CCDC88B: variants seen among roughly 807,000 people sequenced by gnomAD.
CCDC88B encodes the protein coiled-coil domain-containing protein 88B.
In CCDC88B, 138 loss-of-function variants were observed where a neutral mutation model predicts 183.7. The ratio of observed to expected loss-of-function variants is 0.75; its 90% CI spans 0.65 to 0.87. The LOEUF (loss-of-function observed/expected upper bound fraction) is 0.87. Ranked by LOEUF, CCDC88B falls within the 40% of genes least tolerant of loss-of-function variation. The probability of loss-of-function intolerance (pLI) is 0.00; values close to 1 mark genes in which losing one functional copy is unlikely to be tolerated. For missense variants in CCDC88B, 1,822 were observed against 1,965.6 expected, an observed-to-expected ratio of 0.93 and a Z score of 1.38; for synonymous variants, 835 against 867.5, an observed-to-expected ratio of 0.96 and a Z score of 0.66.
Position 64,349,684 on chromosome 11 carries a change from C to G in CCDC88B, c.2862+16C>G. 1.3e-6 allele frequency: 2 copies of G among 1,572,844 alleles called. No homozygotes were observed. The highest frequency in any genetic ancestry group is 2.3e-5 in the South Asian group (2 of 85,886). On this transcript the variant is annotated intron_variant, in intron 16 of 26. Coordinates refer to ENST00000356786, the MANE Select transcript of CCDC88B (RefSeq NM_032251.6). ...GCTGTTCCAGGTGATGCCTGCCCGC[C>G]TGGGAGCTGGGGGCCATGCCACCCT... is the stretch of plus-strand genomic sequence containing the variant.
At chr11:64,355,775 T>G in intron 26 of CCDC88B, 147 bp downstream of exon 26, 8 of 661,618 alleles carry the variant, frequency 1.2e-5, no homozygotes, top group Non-Finnish European at 1.7e-5. Context: ...GGGAACGTTC[T>G]GGTGTGAGGA....
In CCDC88B at chr11:64,340,290, G is replaced by T. The variant is rs986997004; in HGVS notation, c.24G>T (p.Arg8Ser). MEGGKGP[R>S]LRDFLSGSLA... ...GCATGGAGGGGGGCAAGGGGCCCAGGCTCAGAGACTTCCTGAGTGGGAGTC... is the reference window on the plus strand; with the variant it reads ...GCATGGAGGGGGGCAAGGGGCCCAGTCTCAGAGACTTCCTGAGTGGGAGTC... The change falls in exon 1 of 27, where the codon AGG (arginine) becomes AGT (serine). Residue 8 changes from arginine (R) to serine (S), a missense_variant. Arg to Ser is a moderately radical substitution (Grantham distance 110, BLOSUM62 -1). Coordinates refer to ENST00000356786, the MANE Select transcript of CCDC88B (RefSeq NM_032251.6). 2.3e-6 allele frequency: 3 copies of T among 1,281,382 alleles called. No individual in the cohort carries two copies. The South Asian group carries it at 8.9e-5, about 38-fold the overall frequency. 79.4% of individuals were successfully genotyped at this position (1,281,382 alleles called of 1,614,324 possible).
In CCDC88B at chr11:64,351,538, G is replaced by A. The variant is rs1591294485; in HGVS notation, c.3021G>A (p.Gln1007=). 6.4e-7 allele frequency: 1 copy of A among 1,574,050 alleles called. No homozygotes were observed. The highest frequency in any genetic ancestry group is 1.1e-5 in the South Asian group (1 of 87,488). ...LQGQLQHLEG[Q]LGSLQGRAQE... ...GGCAGCTGCAGCACCTGGAGGGGCA[G>A]CTGGGGAGCCTGCAGGGCCGTGCCC... is the stretch of plus-strand genomic sequence containing the variant. The change falls in exon 18 of 27, where the codon CAG becomes CAA. Residue 1007 remains glutamine, a synonymous_variant. Coordinates refer to ENST00000356786, the MANE Select transcript of CCDC88B (RefSeq NM_032251.6).
intron 4 of CCDC88B, 38 bp downstream of exon 4, chr11:64,341,216 G>C: frequency 1.2e-6 from 2 of 1,613,562 alleles, no homozygotes; most frequent in Non-Finnish European, 1.7e-6. Context: ...CTCTGCCCCC[G>C]CACTACTCTA....
Position 64,340,308 on chromosome 11 carries a change from T to C in CCDC88B, c.42T>C (p.Ser14=). The C allele has an allele frequency of 2.3e-6, 3 of 1,280,298 alleles. No homozygotes were observed. In the South Asian group the frequency reaches 8.8e-5, roughly 38 times the overall value. 79.3% of individuals were successfully genotyped at this position (1,280,298 alleles called of 1,614,324 possible). A position where few individuals can be genotyped will look rare whatever the true frequency, so the allele number is the denominator to read the frequency against. ...GKGPRLRDFL[S]GSLATWALGL... ...GGCCCAGGCTCAGAGACTTCCTGAG[T>C]GGGAGTCTGGCTACCTGGGTGAGGG... The change falls in exon 1 of 27, where the codon AGT becomes AGC. Residue 14 remains serine, a synonymous_variant. Coordinates refer to ENST00000356786, the MANE Select transcript of CCDC88B (RefSeq NM_032251.6).
intron 20 of CCDC88B, 66 bp downstream of exon 20, chr11:64,352,953 T>C: frequency 6.6e-7 from 1 of 1,510,184 alleles, no homozygotes; most frequent in Non-Finnish European, 8.9e-7. Context: ...GTTGGGGGTG[T>C]GGGGTCCTGT....
Position 64,344,146 on chromosome 11 carries a change from G to A in CCDC88B, c.1605G>A (p.Pro535=), listed in dbSNP as rs762732051. The change falls in exon 14 of 27, where the codon CCG becomes CCA. Residue 535 remains proline, a synonymous_variant. Transcript: ENST00000356786. This position sits in a 1 kb window ranked among gnomAD's most constrained non-coding sequence, Gnocchi z 4.5. Reference sequence around the variant, plus strand: ...CCCAGGCCTTGGACTTGGCTCCCCCGGCATTAGACTCAGTGCTCGAGGCAT... The same window carrying A: ...CCCAGGCCTTGGACTTGGCTCCCCCAGCATTAGACTCAGTGCTCGAGGCAT... ...GGPQALDLAP[P]ALDSVLEASA... is the part of the protein sequence containing the mutation. 24 of 1,613,158 alleles carry A rather than the reference G, an allele frequency of 1.5e-5. No individual in the cohort carries two copies. The highest frequency in any genetic ancestry group is 1.7e-5 in the Admixed American group (1 of 59,956).
chr11:64,346,794 CTTTCT>C (rs113652845), intron 14 of CCDC88B, among the ~76,000 whole-genome samples: 118 of 149,228 alleles, frequency 7.9e-4, no homozygotes, highest in Middle Eastern at 6.9e-3. Context: ...TGGCTAGTTT[CTTTCT>C]TTTCTTTTCT....
Position 64,357,299 on chromosome 11 carries a change from G to GC in CCDC88B, c.*210dup. The GC allele has an allele frequency of 1.4e-6, 1 of 732,770 alleles. No homozygotes were observed. Among genetic ancestry groups the GC allele is most frequent in the Non-Finnish European group, 2.5e-6 (1 of 398,722 alleles). 45.4% of individuals were successfully genotyped at this position (732,770 alleles called of 1,614,324 possible). A position where few individuals can be genotyped will look rare whatever the true frequency, so the allele number is the denominator to read the frequency against. ...AGTGTGTGGACAGGGGGGATGGCTG[G>GC]CCCCCACGAGCAGCTCCAGGCTGGA... On this transcript the variant is annotated 3_prime_UTR_variant, in exon 27 of 27. Transcript: ENST00000356786.
chr11:64,349,592 C>T lies in CCDC88B; in HGVS notation c.2786C>T (p.Ala929Val), dbSNP rs758357214. The T allele has an allele frequency of 1.8e-5, 29 of 1,600,780 alleles. 2 individuals are homozygous for T. The highest frequency in any genetic ancestry group is 7.9e-5 in the South Asian group (7 of 88,600). Residue 929 changes from alanine (A) to valine (V), a missense_variant, in exon 16 of 27, where the codon GCG (alanine) becomes GTG (valine). Transcript: ENST00000356786. Reference protein sequence around the residue: ...LEQRLEAELQAAATSKEEALM... With the variant: ...LEQRLEAELQVAATSKEEALM... The stretch of plus-strand genomic sequence containing the variant: ...CAGCGGCTGGAAGCTGAGCTGCAGG[C>T]GGCGGCGACCAGCAAGGAGGAGGCG...
intron 23 of CCDC88B, 78 bp downstream of exon 23, chr11:64,353,891 C>T (rs185293546): frequency 2.5e-6 from 4 of 1,588,706 alleles, no homozygotes; most frequent in Admixed American, 3.4e-5. Flanking sequence ...ACCCCAGGCC[C>T]AGCTCAGGTC....
rs1021310393 is a variant in CCDC88B, at chr11:64,351,729, T to C, written c.3099+113T>C. On this transcript the variant is annotated intron_variant, in intron 18 of 26. Coordinates refer to ENST00000356786, the MANE Select transcript of CCDC88B (RefSeq NM_032251.6). Reference sequence around the variant, plus strand: ...GCTCCCAGCCAGCTGCCCCACCTCTTCCCCAGTCTCATTTATCCTTGTCCT... The same window carrying C: ...GCTCCCAGCCAGCTGCCCCACCTCTCCCCCAGTCTCATTTATCCTTGTCCT... The C allele has an allele frequency of 7.7e-6, 10 of 1,303,412 alleles. No individual in the cohort carries two copies. The East Asian group carries it at 1.8e-4, about 23-fold the overall frequency. The allele number at this position is 1,303,412 out of a possible 1,614,324, so 80.7% of individuals were successfully genotyped here. A position where few individuals can be genotyped will look rare whatever the true frequency, so the allele number is the denominator to read the frequency against.
rs1220730232 is a variant in CCDC88B, at chr11:64,352,989, TC to T, written c.3501-64del. ...CTGGCCTCCCCTCCCCGGCATAACT[TC>T]TCTGGCCAGCACTCGGACTGGGGAC... is the stretch of plus-strand genomic sequence containing the variant. On this transcript the variant is annotated intron_variant, in intron 20 of 26. Coordinates refer to ENST00000356786, the MANE Select transcript of CCDC88B (RefSeq NM_032251.6). 21 of 1,512,978 alleles carry T rather than the reference TC, an allele frequency of 1.4e-5. 1 individual carries two copies. Among genetic ancestry groups the T allele is most frequent in the Non-Finnish European group, 1.7e-5 (19 of 1,125,500 alleles). 93.7% of individuals were successfully genotyped at this position (1,512,978 alleles called of 1,614,324 possible). A position where few individuals can be genotyped will look rare whatever the true frequency, so the allele number is the denominator to read the frequency against.
intron 14 of CCDC88B, among the ~76,000 whole-genome samples, chr11:64,347,552 G>A (rs1011891673): frequency 3.9e-5 from 6 of 152,324 alleles, no homozygotes; most frequent in Middle Eastern, 3.4e-3. Flanking sequence ...GGGGTCAGGC[G>A]TTGTGCAAGA....
At position 64,344,932 on chromosome 11, in the gene CCDC88B, G is replaced by A; in HGVS notation, c.2391G>A (p.Val797=). Residue 797 remains valine (V), a synonymous_variant, in exon 14 of 27, where the codon GTG becomes GTA. Transcript: ENST00000356786. The surrounding 1 kb of genome is among the most constrained non-coding windows in gnomAD (Gnocchi z 4.5). The part of the protein sequence containing the change: ...AWEQARLREA[V]EAAGQELESA... ...AGCAAGCCCGGCTGCGGGAGGCAGT[G>A]GAGGCTGCTGGCCAGGAGCTGGAGT... 6.4e-7 allele frequency: 1 copy of A among 1,562,032 alleles called. No homozygotes were observed. Among genetic ancestry groups the A allele is most frequent in the Non-Finnish European group, 8.7e-7 (1 of 1,153,886 alleles).
rs1199109009 is a variant in CCDC88B, at chr11:64,354,695, C to CG, written c.4100-499_4100-498insG. 3.5e-5 allele frequency among the ~76,000 whole-genome samples: 2 copies of CG among 57,130 alleles called. 1 individual carries two copies. Among genetic ancestry groups the CG allele is most frequent in the Non-Finnish European group, 8.7e-5 (2 of 23,060 alleles). The allele number at this position is 57,130 out of a possible 152,430, so 37.5% of individuals were successfully genotyped here. Reference sequence around the variant, plus strand: ...CCCCTCCCTGCATGAGCCTCCGCCCCCCCCCTCTGACCCCTCCCCTGCATG... The same window carrying CG: ...CCCCTCCCTGCATGAGCCTCCGCCCCGCCCCCTCTGACCCCTCCCCTGCATG... On this transcript the variant is annotated intron_variant, in intron 24 of 26. Coordinates refer to ENST00000356786, the MANE Select transcript of CCDC88B (RefSeq NM_032251.6).
At chr11:64,349,804 G>A in intron 16 of CCDC88B, 136 bp downstream of exon 16, 1 of 824,846 alleles carries the variant, frequency 1.2e-6, no homozygotes, top group Admixed American at 2.3e-5. Flanking sequence ...CCCATGTGGG[G>A]CCTGTTGGAG....
At position 64,344,790 on chromosome 11, in the gene CCDC88B, C is replaced by T. The variant is rs1445558932; in HGVS notation, c.2249C>T (p.Ala750Val). Residue 750 changes from alanine to valine, a missense_variant, in exon 14 of 27, where the codon GCC (alanine) becomes GTC (valine). Physicochemically the swap from Ala to Val is moderately conservative, Grantham distance 64. Transcript: ENST00000356786. The surrounding 1 kb of genome is among the most constrained non-coding windows in gnomAD (Gnocchi z 4.5). ...GAGGCCCTTGGAGATGAGCTGGAAG[C>T]CCAGGCCCGCAAGCTGGAGGCCCAA... ...KAEALGDELE[A>V]QARKLEAQNT... 2.5e-6 allele frequency: 4 copies of T among 1,613,648 alleles called. No individual in the cohort carries two copies. Among genetic ancestry groups the T allele is most frequent in the Non-Finnish European group, 3.4e-6 (4 of 1,179,904 alleles).
At chr11:64,356,851 T>C in intron 26 of CCDC88B, 188 bp from the exon 27 acceptor site, 1 of 569,962 alleles carries the variant, frequency 1.8e-6, no homozygotes, top group East Asian at 2.8e-5. Flanking sequence ...GAGTTTGTCG[T>C]GTGGACATAC....
Sources: gnomAD v4.1 joint callset for allele counts (sites outside exome capture counted in the v4.1 genomes callset) on GRCh38, gnomAD v4.1.1 for gene constraint, Gnocchi (gnomAD v3.1) non-coding constraint, MANE v1.5 for transcripts, NCBI Gene and HGNC (gene_info 2026-07-23, HGNC 2026-07-21) for gene names.